PCSK6: variants seen among roughly 807,000 people sequenced by gnomAD.
The protein encoded by PCSK6 is paired basic amino acid cleaving enzyme 4.
Under a neutral mutation model 123.3 loss-of-function variants are expected in PCSK6, and 85 were observed. The observed-to-expected ratio is 0.69, with a 90% CI of 0.58 to 0.83. The LOEUF is 0.83. Among genes scored for constraint, PCSK6 ranks in the 40% least tolerant of loss-of-function variants. The probability of loss-of-function intolerance (pLI) is 0.00; values close to 1 mark genes in which losing one functional copy is unlikely to be tolerated. For synonymous variants in PCSK6, 508 were observed against 516.0 expected (o/e 0.98, Z 0.21); for missense variants, 1,191 against 1,282.3 (o/e 0.93, Z 1.09).
chr15:101,472,387 T>C (rs553499475), intron 1 of PCSK6, among the ~76,000 whole-genome samples: 11 of 152,244 alleles, frequency 7.2e-5, no homozygotes, highest in Non-Finnish European at 1.6e-4. Flanking sequence ...TTTCTAACGA[T>C]GGGACAATCT....
chr15:101,382,363 AG>A (rs1191641622), intron 10 of PCSK6, among the ~76,000 whole-genome samples, 154 bp from the exon 11 acceptor site: 44 of 152,196 alleles, frequency 2.9e-4, no homozygotes, highest in Admixed American at 2.9e-3. Context: ...GGTCCCCCTG[AG>A]GGCTGCTCAA....
At chr15:101,400,033 T>A (rs1217547353) in intron 6 of PCSK6, among the ~76,000 whole-genome samples, 1 of 152,186 alleles carries the variant, frequency 6.6e-6, no homozygotes, top group Non-Finnish European at 1.5e-5. Flanking sequence ...CTTTTCTTTT[T>A]TTGCTTTACA....
intron 1 of PCSK6, among the ~76,000 whole-genome samples, chr15:101,489,170 C>G (rs1432917279): frequency 7.0e-5 from 9 of 129,144 alleles, no homozygotes; most frequent in Admixed American, 2.2e-4. Context: ...CCCCCCCACC[C>G]CGCCGAGTGT....
rs114228344 is a variant in PCSK6, at chr15:101,484,354, T to C, written c.297+5020A>G. Among the ~76,000 whole-genome samples, 457 of 152,312 alleles carry C rather than the reference T, an allele frequency of 3.0e-3. 5 individuals are homozygous for C. Among genetic ancestry groups the C allele is most frequent in the African/African-American group, 0.01 (424 of 41,568 alleles). On this transcript the variant is annotated intron_variant, in intron 1 of 21. Transcript: ENST00000611716. ...TACATCTATAAGCATCCATAATTAATACAGTATTGCTTTGTGCTTTGTTTT... is the reference window on the plus strand; with the variant it reads ...TACATCTATAAGCATCCATAATTAACACAGTATTGCTTTGTGCTTTGTTTT...
intron 1 of PCSK6, among the ~76,000 whole-genome samples, chr15:101,448,699 CATTT>C (rs1457592772): frequency 1.3e-5 from 2 of 152,224 alleles, no homozygotes; most frequent in Non-Finnish European, 2.9e-5. Flanking sequence ...GTTCAAGATT[CATTT>C]AGTCAATGAA....
At chr15:101,349,308 T>C (rs191971942) in intron 13 of PCSK6, among the ~76,000 whole-genome samples, 3 of 152,298 alleles carry the variant, frequency 2.0e-5, no homozygotes, top group African/African-American at 4.8e-5. Flanking sequence ...AAGTGTTGCT[T>C]AAGAAGAAGA....
intron 1 of PCSK6, among the ~76,000 whole-genome samples, chr15:101,451,557 C>CAA (rs145380583): frequency 3.3e-5 from 5 of 150,364 alleles, no homozygotes; most frequent in African/African-American, 1.2e-4. Flanking sequence ...TCTGACTTTG[C>CAA]AAAAAAAAAC....
intron 13 of PCSK6, among the ~76,000 whole-genome samples, chr15:101,359,059 G>A (rs2041133883): frequency 6.6e-6 from 1 of 152,224 alleles, no homozygotes; most frequent in Non-Finnish European, 1.5e-5. Flanking sequence ...CCCACACACA[G>A]CAGGGAGGGC....
intron 6 of PCSK6, among the ~76,000 whole-genome samples, chr15:101,401,407 G>A (rs1320920496): frequency 1.3e-5 from 2 of 152,218 alleles, no homozygotes; most frequent in African/African-American, 4.8e-5. Flanking sequence ...CGAGCTGGCT[G>A]CAGGACGGCC....
rs1012676112 is a variant in PCSK6 at position 101,366,094 on chromosome 15, C to T, written c.1858+102G>A. On this transcript the variant is annotated intron_variant, in intron 13 of 21. Transcript: ENST00000611716. ...TTATGGGAATTCTACCTCTAAAACA[C>T]AAAACAAAGAATTATCAGAGACTCC... 4.7e-6 allele frequency: 6 copies of T among 1,274,192 alleles called. No homozygotes were observed. The African/African-American group carries it at 6.0e-5, about 13-fold the overall frequency. The allele number at this position is 1,274,192 out of a possible 1,614,324, so 78.9% of individuals were successfully genotyped here.
chr15:101,340,769 C>T (rs1026861154), intron 13 of PCSK6, among the ~76,000 whole-genome samples: 1 of 152,020 alleles, frequency 6.6e-6, no homozygotes, highest in Non-Finnish European at 1.5e-5. Context: ...CCTCTCCCGC[C>T]CCCACCTCCC....
At chr15:101,384,805 A>C (rs939141318) in intron 9 of PCSK6, among the ~76,000 whole-genome samples, 1 of 152,250 alleles carries the variant, frequency 6.6e-6, no homozygotes, top group African/African-American at 2.4e-5. Context: ...ACAACAGTGC[A>C]TAAGAGTACA....
intron 12 of PCSK6, among the ~76,000 whole-genome samples, chr15:101,369,162 G>A (rs1010554953): frequency 5.9e-5 from 9 of 152,238 alleles, no homozygotes; most frequent in African/African-American, 2.2e-4. Flanking sequence ...CAGCTTGCCT[G>A]CTGCAGAGAG....
intron 1 of PCSK6, among the ~76,000 whole-genome samples, chr15:101,470,078 G>A (rs764519249): frequency 2.0e-4 from 31 of 152,148 alleles, no homozygotes; most frequent in Admixed American, 2.0e-4. Flanking sequence ...TGAAGAAAGA[G>A]CTGAACCATT....
chr15:101,478,190 T>C (rs538564991), intron 1 of PCSK6, among the ~76,000 whole-genome samples: 2 of 152,290 alleles, frequency 1.3e-5, no homozygotes, highest in South Asian at 2.1e-4. Context: ...CTTACTACTA[T>C]AGCAGGTTAC....
intron 1 of PCSK6, among the ~76,000 whole-genome samples, chr15:101,471,785 C>T (rs1029070945): frequency 3.3e-5 from 5 of 152,156 alleles, no homozygotes; most frequent in African/African-American, 1.2e-4. Flanking sequence ...TGTGCCTTCC[C>T]GGTCAACCTC....
At chr15:101,327,488 C>A (rs573329081) in intron 15 of PCSK6, among the ~76,000 whole-genome samples, 13 of 152,146 alleles carry the variant, frequency 8.5e-5, no homozygotes, top group African/African-American at 3.1e-4. Flanking sequence ...GCCCAGGGGA[C>A]CCCGACAGCT....
chr15:101,478,114 C>T (rs1305939059), intron 1 of PCSK6, among the ~76,000 whole-genome samples: 2 of 152,166 alleles, frequency 1.3e-5, no homozygotes, highest in Admixed American at 1.3e-4. Flanking sequence ...TCCTAATAGA[C>T]ACAGACTCTG....
chr15:101,373,999 G>C (rs4965836), intron 11 of PCSK6, among the ~76,000 whole-genome samples: 18,824 of 152,160 alleles, frequency 0.12, 1,599 homozygotes, highest in East Asian at 0.43. Flanking sequence ...TTCCGAGGAC[G>C]CTAAGGGAGT....
Sources: allele counts gnomAD v4.1 joint callset (sites outside exome capture counted in the v4.1 genomes callset), GRCh38; gene constraint gnomAD v4.1.1; transcripts MANE v1.5; gene names NCBI Gene and HGNC (gene_info 2026-07-23, HGNC 2026-07-21).